Variants in PRUNE2 observed in about 807,000 individuals in gnomAD.
PRUNE2 encodes protein prune homolog 2.
In PRUNE2, 164 loss-of-function variants were observed where a neutral mutation model predicts 252.0. That is an observed-to-expected ratio of 0.65 (90% CI 0.57 to 0.74). The LOEUF is 0.74. Among genes scored for constraint, PRUNE2 ranks in the 30% least tolerant of loss-of-function variants. PRUNE2 has a pLI of 0.00. For missense variants in PRUNE2, 3,495 were observed against 3,711.0 expected, an observed-to-expected ratio of 0.94 and a Z score of 1.51; for synonymous variants, 1,292 against 1,350.2, an observed-to-expected ratio of 0.96 and a Z score of 0.94.
At chr9:76,753,540 C>A (rs2050817139) in intron 6 of PRUNE2, among the ~76,000 whole-genome samples, 1 of 152,106 alleles carries the variant, frequency 6.6e-6, no homozygotes, top group Admixed American at 6.5e-5. Context: ...TGTTACAACA[C>A]CTGAGGGTGC....
At chr9:76,637,672 C>G in intron 13 of PRUNE2, 123 bp from the exon 14 acceptor site, 1 of 803,008 alleles carries the variant, frequency 1.2e-6, no homozygotes, top group South Asian at 1.9e-5. Flanking sequence ...ACCTCTTTAC[C>G]TTGGGAAGAA....
Position 76,774,465 on chromosome 9 carries a change from T to TA in PRUNE2, c.756+49166_756+49167insT, listed in dbSNP as rs761395945. ...CAGTTCAACCCTTTTTTTTTTTTTT[T>TA]TTTTTTTTTTTTGAGATGGAGTCTC... On this transcript the variant is annotated intron_variant, in intron 6 of 18. Transcript: ENST00000376718. 4.4e-4 allele frequency among the ~76,000 whole-genome samples: 60 copies of TA among 136,910 alleles called. 2 individuals carry two copies. The highest frequency in any genetic ancestry group is 1.3e-3 in the African/African-American group (45 of 35,766). 89.8% of individuals were successfully genotyped at this position (136,910 alleles called of 152,430 possible).
intron 1 of PRUNE2, chr9:76,862,691 T>A (rs2060619533): frequency 1.3e-5 from 2 of 152,170 alleles, no homozygotes; most frequent in African/African-American, 4.8e-5. Flanking sequence ...ATATGTTCAT[T>A]ATAAAACATT....
At chr9:76,638,798 A>G (rs1841285890) in intron 12 of PRUNE2, among the ~76,000 whole-genome samples, 1 of 152,216 alleles carries the variant, frequency 6.6e-6, no homozygotes, top group South Asian at 2.1e-4. Flanking sequence ...ATAATCTCTC[A>G]TCCACACACT....
At chr9:76,667,084 G>A (rs1271843455) in intron 9 of PRUNE2, among the ~76,000 whole-genome samples, 2 of 152,140 alleles carry the variant, frequency 1.3e-5, no homozygotes, top group East Asian at 3.9e-4. Flanking sequence ...AATTCCTTTT[G>A]ATAAGAAGTT....
intron 9 of PRUNE2, among the ~76,000 whole-genome samples, chr9:76,680,877 C>CCGGATCT (rs2043347171): frequency 6.6e-6 from 1 of 152,116 alleles, no homozygotes; most frequent in African/African-American, 2.4e-5. Flanking sequence ...TTTCAAACAA[C>CCGGATCT]CGGATCTCGT....
rs1827957168 is a variant in PRUNE2, at chr9:76,613,146, GTCTGTGGATGTCAAAACAT to G, written c.*1405_*1423del. ...AGCAAGCCATTTCTTTTATTTCACT[GTCTGTGGATGTCAAAACAT>G]TGATTTTTGACAAAAATAAATTAGT... On this transcript the variant is annotated 3_prime_UTR_variant, in exon 19 of 19. Coordinates refer to ENST00000376718, the MANE Select transcript of PRUNE2 (RefSeq NM_015225.3). The G allele has an allele frequency of 6.6e-6, 1 of 152,188 alleles. No homozygotes were observed. The highest frequency in any genetic ancestry group is 2.1e-4 in the South Asian group (1 of 4,838). The allele number at this position is 152,188 out of a possible 1,614,324, so 9.4% of individuals were successfully genotyped here.
chr9:76,763,145 C>T (rs117414888), intron 6 of PRUNE2, among the ~76,000 whole-genome samples: 3,528 of 152,264 alleles, frequency 0.023, 61 homozygotes, highest in Middle Eastern at 0.027. Context: ...GTCGGGGCAG[C>T]ATTATAGCAT....
chr9:76,843,030 C>G, intron 4 of PRUNE2, among the ~76,000 whole-genome samples: 1 of 152,228 alleles, frequency 6.6e-6, no homozygotes, highest in African/African-American at 2.4e-5. Flanking sequence ...TGCACACATA[C>G]ACTTATTGCC....
intron 6 of PRUNE2, among the ~76,000 whole-genome samples, chr9:76,811,946 C>T (rs1291873531): frequency 6.6e-6 from 1 of 152,126 alleles, no homozygotes; most frequent in East Asian, 1.9e-4. Flanking sequence ...GCTGTAGTTG[C>T]TGAAAAGGAG....
Position 76,706,828 on chromosome 9 carries a change from G to A in PRUNE2, c.5446C>T (p.Gln1816Ter). ...ASFPKNEDNS[Q>*]LEMLGFSADS... ...GCTGAGAAGCCCAGCATTTCCAGTT[G>A]AGAATTATCTTCGTTCTTTGGGAAC... The change falls in exon 8 of 19, where the codon CAA becomes TAA. Residue 1816 changes from glutamine to a stop codon, truncating the protein, a stop_gained. Coordinates refer to ENST00000376718, the MANE Select transcript of PRUNE2 (RefSeq NM_015225.3). LOFTEE classifies it high-confidence loss of function. The A allele has an allele frequency of 1.3e-6, 2 of 1,598,616 alleles. No individual in the cohort carries two copies. Among genetic ancestry groups the A allele is most frequent in the South Asian group, 1.1e-5 (1 of 88,398 alleles).
intron 1 of PRUNE2, among the ~76,000 whole-genome samples, chr9:76,872,114 G>A (rs114647716): frequency 0.015 from 2,254 of 151,926 alleles, 58 homozygotes; most frequent in African/African-American, 0.052. Context: ...GGAAGGGTAG[G>A]CCCTGGAACC....
intron 6 of PRUNE2, among the ~76,000 whole-genome samples, chr9:76,735,473 G>A (rs147280668): frequency 7.1e-4 from 104 of 147,410 alleles, no homozygotes; most frequent in Middle Eastern, 7.0e-3. Flanking sequence ...CCCCGTAGTG[G>A]CTGACAATTA....
chr9:76,874,770 G>A (rs2061391334), intron 1 of PRUNE2, among the ~76,000 whole-genome samples: 1 of 152,036 alleles, frequency 6.6e-6, no homozygotes, highest in Non-Finnish European at 1.5e-5. Flanking sequence ...AAAAATAAAG[G>A]AAGAAATTTC....
At chr9:76,867,123 G>T (rs565309137) in intron 1 of PRUNE2, among the ~76,000 whole-genome samples, 7 of 152,222 alleles carry the variant, frequency 4.6e-5, no homozygotes, top group African/African-American at 1.4e-4. Flanking sequence ...CAAAAACAAG[G>T]GAATGGGTTG....
At chr9:76,887,013 T>C (rs116785835) in intron 1 of PRUNE2, among the ~76,000 whole-genome samples, 5,233 of 152,302 alleles carry the variant, frequency 0.034, 329 homozygotes, top group African/African-American at 0.12. Flanking sequence ...TTACATATGC[T>C]GTCTAACTTT....
intron 9 of PRUNE2, 36 bp from the exon 10 acceptor site, chr9:76,655,538 A>G: frequency 7.1e-7 from 1 of 1,407,556 alleles, no homozygotes; most frequent in Non-Finnish European, 1.0e-6. Context: ...GTCAACAACA[A>G]CTGTGTAAGA....
chr9:76,625,426 T>C (rs554940277), intron 16 of PRUNE2, among the ~76,000 whole-genome samples: 4 of 152,192 alleles, frequency 2.6e-5, no homozygotes, highest in Non-Finnish European at 4.4e-5. Flanking sequence ...TTTGTATAAG[T>C]TCACTATGAT....
intron 9 of PRUNE2, among the ~76,000 whole-genome samples, chr9:76,693,858 T>C (rs892188403): frequency 2.0e-5 from 3 of 152,196 alleles, no homozygotes; most frequent in African/African-American, 7.2e-5. Context: ...CATGAAATAA[T>C]TTCTCACGTG....
Sources: gnomAD v4.1 joint callset for allele counts (sites outside exome capture counted in the v4.1 genomes callset) on GRCh38, gnomAD v4.1.1 for gene constraint, MANE v1.5 for transcripts, NCBI Gene and HGNC (gene_info 2026-07-23, HGNC 2026-07-21) for gene names.